Variants in TENM4 observed in about 807,000 individuals in gnomAD.
TENM4 encodes teneurin-4.
In TENM4, 82 loss-of-function variants were observed where a neutral mutation model predicts 243.3. The ratio of observed to expected loss-of-function variants is 0.34; its 90% confidence interval spans 0.28 to 0.40. TENM4 has a LOEUF of 0.40. Ranked by LOEUF, TENM4 falls within the 10% of genes least tolerant of loss-of-function variation. The probability of loss-of-function intolerance (pLI) is 1.00; values close to 1 mark genes in which losing one functional copy is unlikely to be tolerated. For missense variants in TENM4, 3,138 were observed against 3,673.3 expected (o/e 0.85, Z 3.77); for synonymous variants, 1,412 against 1,456.3 (o/e 0.97, Z 0.69).
intron 1 of TENM4, among the ~76,000 whole-genome samples, chr11:79,421,097 G>C (rs925852414): frequency 1.3e-5 from 2 of 152,104 alleles, no homozygotes; most frequent in African/African-American, 4.8e-5. Flanking sequence ...CTCTCCCTTT[G>C]CTTTTCTCTT....
chr11:79,416,160 C>A (rs1294231468), intron 1 of TENM4, among the ~76,000 whole-genome samples: 4 of 152,148 alleles, frequency 2.6e-5, no homozygotes, highest in Non-Finnish European at 5.9e-5. Context: ...ATTTGGGTGA[C>A]TTACAATTTT....
intron 3 of TENM4, among the ~76,000 whole-genome samples, chr11:79,168,520 G>A (rs1565233049): frequency 6.6e-6 from 1 of 152,294 alleles, no homozygotes; most frequent in East Asian, 1.9e-4. Flanking sequence ...ACTAAAGGGA[G>A]AGGAGAGAAA....
chr11:79,152,461 T>A (rs1862530176), intron 3 of TENM4, among the ~76,000 whole-genome samples: 1 of 152,210 alleles, frequency 6.6e-6, no homozygotes, highest in African/African-American at 2.4e-5. Context: ...TCTAGGAAAC[T>A]GAGTGCTTTC....
At chr11:78,775,057 A>T (rs1457233437) in intron 17 of TENM4, among the ~76,000 whole-genome samples, 1 of 152,220 alleles carries the variant, frequency 6.6e-6, no homozygotes, top group African/African-American at 2.4e-5. Context: ...ATAAGTTTGG[A>T]AAACGTTGCA....
At chr11:79,214,474 T>A (rs1864012222) in intron 3 of TENM4, among the ~76,000 whole-genome samples, 1 of 152,210 alleles carries the variant, frequency 6.6e-6, no homozygotes, top group Non-Finnish European at 1.5e-5. Flanking sequence ...CTTCCATATG[T>A]CTTTGTCGAA....
intron 10 of TENM4, among the ~76,000 whole-genome samples, chr11:78,860,463 T>C (rs557446756): frequency 2.0e-5 from 3 of 152,346 alleles, no homozygotes; most frequent in Non-Finnish European, 2.9e-5. Flanking sequence ...TTCTCCATCA[T>C]TGTGAAGCAG....
Position 78,894,639 on chromosome 11 carries a change from T to C in TENM4, c.750-3303A>G, listed in dbSNP as rs943893709. Reference sequence around the variant, plus strand: ...GAAAGAGCTTCCACACTCATGCTCATGTGCATATTAATTATTTAGATCTCT... The same window carrying C: ...GAAAGAGCTTCCACACTCATGCTCACGTGCATATTAATTATTTAGATCTCT... On this transcript the variant is annotated intron_variant, in intron 7 of 33. Coordinates refer to ENST00000278550, the MANE Select transcript of TENM4 (RefSeq NM_001098816.3). 2.0e-5 allele frequency among the ~76,000 whole-genome samples: 3 copies of C among 152,192 alleles called. No homozygotes were observed. In the South Asian group the frequency reaches 6.2e-4, roughly 32 times the overall value.
chr11:78,848,722 A>T (rs2136191232), intron 12 of TENM4, among the ~76,000 whole-genome samples: 2 of 152,100 alleles, frequency 1.3e-5, no homozygotes, highest in Middle Eastern at 6.8e-3. Context: ...CATCTCCCTT[A>T]ATCTGGACTA....
chr11:78,929,710 C>A (rs1856629175), intron 6 of TENM4, among the ~76,000 whole-genome samples: 1 of 152,140 alleles, frequency 6.6e-6, no homozygotes, highest in Admixed American at 6.5e-5. Flanking sequence ...TACAGCCAAG[C>A]CAAGCTTCAG....
intron 1 of TENM4, among the ~76,000 whole-genome samples, chr11:79,398,199 AC>A (rs565856094): frequency 9.9e-4 from 151 of 151,790 alleles, no homozygotes; most frequent in African/African-American, 3.5e-3. Context: ...GCAACTCCCC[AC>A]CTCATGTGTC....
At chr11:79,055,537 C>T (rs1402376858) in intron 6 of TENM4, among the ~76,000 whole-genome samples, 1 of 152,158 alleles carries the variant, frequency 6.6e-6, no homozygotes, top group East Asian at 1.9e-4. Flanking sequence ...CCACTGTGCC[C>T]AGACTATTTA....
chr11:78,911,596 G>A (rs1037796815), intron 6 of TENM4, among the ~76,000 whole-genome samples: 1 of 152,214 alleles, frequency 6.6e-6, no homozygotes, highest in Non-Finnish European at 1.5e-5. Context: ...GGCATTTGGA[G>A]GTGGGGCCTT....
At chr11:78,786,029 C>T (rs548233831) in intron 16 of TENM4, among the ~76,000 whole-genome samples, 1 of 152,146 alleles carries the variant, frequency 6.6e-6, no homozygotes, top group East Asian at 1.9e-4. Context: ...AGCTAAAACA[C>T]ACATATATAC....
chr11:78,752,828 G>A (rs1856222051), intron 19 of TENM4, among the ~76,000 whole-genome samples: 2 of 152,066 alleles, frequency 1.3e-5, no homozygotes, highest in Non-Finnish European at 2.9e-5. Context: ...CTGGGTGGTC[G>A]CTGGACCTGG....
chr11:79,152,577 C>T (rs480904), intron 3 of TENM4, among the ~76,000 whole-genome samples: 140,496 of 152,298 alleles, frequency 0.92, 65,454 homozygotes, highest in Middle Eastern at 0.99. Context: ...TGGATTACAA[C>T]AATTTATTTT....
At chr11:78,922,255 G>A (rs1159492855) in intron 6 of TENM4, among the ~76,000 whole-genome samples, 2 of 152,186 alleles carry the variant, frequency 1.3e-5, no homozygotes, top group Non-Finnish European at 2.9e-5. Flanking sequence ...ACAGCATGAG[G>A]AAAGGCAGGC....
At chr11:78,684,165 T>A (rs1858597060) in intron 29 of TENM4, among the ~76,000 whole-genome samples, 1 of 152,206 alleles carries the variant, frequency 6.6e-6, no homozygotes, top group Non-Finnish European at 1.5e-5. Context: ...CTCCAATATT[T>A]GAGTGCGTGC....
intron 3 of TENM4, among the ~76,000 whole-genome samples, chr11:79,164,412 A>G (rs1862856165): frequency 7.3e-6 from 1 of 136,858 alleles, no homozygotes; most frequent in East Asian, 2.1e-4. Flanking sequence ...TAGAATATAT[A>G]TAGTATGTAG....
chr11:79,340,190 G>C (rs573976352), intron 1 of TENM4, among the ~76,000 whole-genome samples: 1 of 152,260 alleles, frequency 6.6e-6, no homozygotes, highest in South Asian at 2.1e-4. Context: ...ATGTCACTTT[G>C]CTGGTCTACC....
Sources: allele counts gnomAD v4.1 joint callset (sites outside exome capture counted in the v4.1 genomes callset), GRCh38; gene constraint gnomAD v4.1.1; transcripts MANE v1.5; gene names NCBI Gene and HGNC (gene_info 2026-07-23, HGNC 2026-07-21).